Variants in TRAPPC8 observed in about 807,000 individuals in gnomAD.
TRAPPC8 encodes general sporulation gene 1 homolog.
TRAPPC8 carries 54 observed loss-of-function variants against 174.3 expected under a neutral mutation model. The observed-to-expected ratio is 0.31, with a 90% confidence interval of 0.25 to 0.39. TRAPPC8 has a LOEUF of 0.39. Among genes scored for constraint, TRAPPC8 ranks in the 10% least tolerant of loss-of-function variants. TRAPPC8 has a pLI of 1.00. For missense variants in TRAPPC8, 1,531 were observed against 1,699.1 expected, an observed-to-expected ratio of 0.90 and a Z score of 1.74; for synonymous variants, 630 against 579.9, an observed-to-expected ratio of 1.09 and a Z score of -1.24.
chr18:31,899,714 A>G (rs1598702926), intron 10 of TRAPPC8, among the ~76,000 whole-genome samples: 1 of 152,270 alleles, frequency 6.6e-6, no homozygotes, highest in African/African-American at 2.4e-5. Context: ...TGGGAGGCCA[A>G]GGTGGGCGGA....
At chr18:31,898,020 C>T (rs1050578309) in intron 10 of TRAPPC8, 129 bp from the exon 11 acceptor site, 1 of 674,248 alleles carries the variant, frequency 1.5e-6, no homozygotes. Flanking sequence ...CCAGGACCCT[C>T]CAGGATACTA....
Position 31,866,136 on chromosome 18 carries a change from T to C in TRAPPC8, c.2590+713A>G, listed in dbSNP as rs182554969. ...GTTTGTCAAGGACTATTCAACTTAA[T>C]TTGTTGTAAAATAAGACATATCTAT... On this transcript the variant is annotated intron_variant, in intron 18 of 28. Coordinates refer to ENST00000283351, the MANE Select transcript of TRAPPC8 (RefSeq NM_014939.5). 2.1e-4 allele frequency among the ~76,000 whole-genome samples: 32 copies of C among 152,220 alleles called. No individual in the cohort carries two copies. In the East Asian group the frequency reaches 5.2e-3, roughly 25 times the overall value.
chr18:31,865,370 A>T (rs2034537033), intron 18 of TRAPPC8, among the ~76,000 whole-genome samples: 1 of 152,056 alleles, frequency 6.6e-6, no homozygotes, highest in African/African-American at 2.4e-5. Context: ...ATGTGTGAAA[A>T]AAGCTAGAGT....
At position 31,916,458 on chromosome 18, in the gene TRAPPC8, T is replaced by C. The variant is rs367984850; in HGVS notation, c.443-12A>G. ...CGCTACCAACATACCTTGTAAACCATATTATTAAGGTAATTATCGCTTATT... is the reference window on the plus strand; with the variant it reads ...CGCTACCAACATACCTTGTAAACCACATTATTAAGGTAATTATCGCTTATT... On this transcript the variant is annotated splice_polypyrimidine_tract_variant and intron_variant, in intron 3 of 28. Transcript: ENST00000283351. The C allele has an allele frequency of 1.6e-5, 25 of 1,599,220 alleles. No homozygotes were observed. Among genetic ancestry groups the C allele is most frequent in the African/African-American group, 5.4e-5 (4 of 74,282 alleles).
intron 12 of TRAPPC8, among the ~76,000 whole-genome samples, chr18:31,889,046 A>C (rs1018386135): frequency 3.9e-5 from 6 of 152,174 alleles, no homozygotes; most frequent in African/African-American, 1.4e-4. Context: ...AATTAGATAT[A>C]TATTGTATTG....
intron 19 of TRAPPC8, among the ~76,000 whole-genome samples, chr18:31,863,432 T>C (rs1011065311): frequency 6.6e-6 from 1 of 152,190 alleles, no homozygotes; most frequent in African/African-American, 2.4e-5. Context: ...ATTGTCTGTA[T>C]TGATGAAAAA....
Position 31,846,783 on chromosome 18 carries a change from A to G in TRAPPC8, c.3770T>C (p.Leu1257Ser), listed in dbSNP as rs2033431901. The G allele has an allele frequency of 6.2e-7, 1 of 1,613,056 alleles. No individual in the cohort carries two copies. The highest frequency in any genetic ancestry group is 2.2e-5 in the East Asian group (1 of 44,868). ...YVVEDSKQLI[L>S]EGQHHVILRT... ...AAGAATAACATGATGTTGACCTTCC[A>G]AAATAAGCTGTTTACTGTCTTCCAC... The change falls in exon 26 of 29, where the codon TTG becomes TCG. Residue 1257 changes from leucine to serine, a missense_variant. Transcript: ENST00000283351.
chr18:31,849,508 AGCTT>A (rs2033593320), intron 25 of TRAPPC8, 54 bp downstream of exon 25: 2 of 1,372,130 alleles, frequency 1.5e-6, no homozygotes, highest in African/African-American at 1.5e-5. Flanking sequence ...GTTTGTGCTT[AGCTT>A]AAGACTCGAG....
At chr18:31,921,277 A>C (rs1378201451) in intron 2 of TRAPPC8, among the ~76,000 whole-genome samples, 23 of 152,176 alleles carry the variant, frequency 1.5e-4, no homozygotes. Context: ...AAGAGAAAGA[A>C]GGGAGATAAG....
intron 12 of TRAPPC8, among the ~76,000 whole-genome samples, chr18:31,886,344 G>GAAAAAAAAAAAAA (rs1568092404): frequency 2.8e-5 from 2 of 71,244 alleles, no homozygotes; most frequent in Non-Finnish European, 2.7e-5. Flanking sequence ...TGTTTCTTGA[G>GAAAAAAAAAAAAA]GAAAAAAAAA....
intron 19 of TRAPPC8, among the ~76,000 whole-genome samples, chr18:31,860,284 A>G (rs951752081): frequency 1.3e-5 from 2 of 152,166 alleles, no homozygotes; most frequent in Non-Finnish European, 2.9e-5. Flanking sequence ...TATATATAAT[A>G]GTGCTTGTGC....
chr18:31,902,354 C>A (rs186048127), intron 9 of TRAPPC8, among the ~76,000 whole-genome samples: 1 of 152,204 alleles, frequency 6.6e-6, no homozygotes, highest in East Asian at 1.9e-4. Flanking sequence ...ACAATAACAA[C>A]AACAACAAAG....
At chr18:31,873,595 T>G (rs758873442) in intron 13 of TRAPPC8, 57 bp from the exon 14 acceptor site, 6 of 1,250,046 alleles carry the variant, frequency 4.8e-6, no homozygotes, top group Non-Finnish European at 6.8e-6. Flanking sequence ...TATTTTTATT[T>G]GTTTCCTCGT....
intron 26 of TRAPPC8, 44 bp downstream of exon 26, chr18:31,846,672 C>A (rs1162106609): frequency 4.2e-6 from 6 of 1,442,740 alleles, no homozygotes; most frequent in South Asian, 1.3e-5. Context: ...CAAAAAAAAA[C>A]CCACAAGTTC....
intron 1 of TRAPPC8, among the ~76,000 whole-genome samples, chr18:31,938,878 G>A (rs891458886): frequency 6.6e-6 from 1 of 152,068 alleles, no homozygotes; most frequent in Non-Finnish European, 1.5e-5. Context: ...TCAAGAGATA[G>A]AGACAATCCT....
At chr18:31,881,652 T>C (rs1390685780) in intron 12 of TRAPPC8, among the ~76,000 whole-genome samples, 1 of 152,042 alleles carries the variant, frequency 6.6e-6, no homozygotes, top group Non-Finnish European at 1.5e-5. Context: ...AACTGGTACC[T>C]AATTAAACCA....
intron 1 of TRAPPC8, among the ~76,000 whole-genome samples, chr18:31,934,042 G>C (rs1428614876): frequency 1.3e-5 from 2 of 151,996 alleles, no homozygotes; most frequent in Non-Finnish European, 2.9e-5. Context: ...ACAAAAATTA[G>C]CCAGGCATGG....
chr18:31,879,207 A>C (rs2035302914), intron 12 of TRAPPC8, among the ~76,000 whole-genome samples: 1 of 152,216 alleles, frequency 6.6e-6, no homozygotes, highest in Non-Finnish European at 1.5e-5. Context: ...CATTCTCTGA[A>C]GTTGACCATA....
At chr18:31,854,830 G>T (rs923026975) in intron 21 of TRAPPC8, among the ~76,000 whole-genome samples, 1 of 151,470 alleles carries the variant, frequency 6.6e-6, no homozygotes, top group African/African-American at 2.4e-5. Flanking sequence ...TTAGCCGGGC[G>T]TGGTGGGTGC....
Sources: allele counts gnomAD v4.1 joint callset (sites outside exome capture counted in the v4.1 genomes callset), GRCh38; gene constraint gnomAD v4.1.1; transcripts MANE v1.5; gene names NCBI Gene and HGNC (gene_info 2026-07-23, HGNC 2026-07-21).